Variants in HLA-DQB1 observed in about 807,000 individuals in gnomAD.
The protein encoded by HLA-DQB1 is major histocompatibility complex, class II, DQ beta 1, also known as HLA class II histocompatibility antigen, DQ beta 1 chain.
Under a neutral mutation model 26.4 loss-of-function variants are expected in HLA-DQB1, and 13 were observed. That is an observed-to-expected ratio of 0.49 (90% confidence interval 0.32 to 0.78). The LOEUF is 0.78. Ranked by LOEUF, HLA-DQB1 falls within the 30% of genes least tolerant of loss-of-function variation. The pLI is 0.03. For synonymous variants in HLA-DQB1, 60 were observed against 129.1 expected (o/e 0.46, Z 3.63); for missense variants, 158 against 326.2 (o/e 0.48, Z 3.97).
At chr6:32,663,222 A>G (rs71542448) in intron 2 of HLA-DQB1, 1 of 149,560 alleles carries the variant, frequency 6.7e-6, no homozygotes, top group Non-Finnish European at 1.5e-5. Context: ...GAGGGCACAA[A>G]TTTATGAGAA....
In HLA-DQB1 at chr6:32,664,993, A is replaced by T. The variant is rs281862065; in HGVS notation, c.184T>A (p.Tyr62Asn). ...GCGTACTCCTCTCGGTTATAGATGTATCTGGTCACAAGACGCACGCGCTCC... is the reference window on the plus strand; with the variant it reads ...GCGTACTCCTCTCGGTTATAGATGTTTCTGGTCACAAGACGCACGCGCTCC... Residue 62 changes from tyrosine (Y) to asparagine (N), a missense_variant, in exon 2 of 5, where the codon TAC (tyrosine) becomes AAC (asparagine). Transcript: ENST00000434651. 2.9e-3 allele frequency: 3,703 copies of T among 1,272,662 alleles called. 675 individuals carry two copies. Among genetic ancestry groups the T allele is most frequent in the South Asian group, 6.5e-3 (494 of 75,884 alleles). The allele number at this position is 1,272,662 out of a possible 1,614,324, so 78.8% of individuals were successfully genotyped here.
chr6:32,666,362 C>T (rs28746844), intron 1 of HLA-DQB1, 137 bp downstream of exon 1: 65,536 of 414,176 alleles, frequency 0.16, 7,558 homozygotes, highest in East Asian at 0.33. Context: ...TGCAACATAG[C>T]TTTCTTTCCC....
Position 32,660,354 on chromosome 6 carries a change from G to C in HLA-DQB1, c.773-105C>G. ...TGCAGCTTCAGACAGAGAAAGTTGA[G>C]GTCCAGGGTGTATTGTCATCACCTC... On this transcript the variant is annotated intron_variant, in intron 4 of 4. Coordinates refer to ENST00000434651, the Ensembl canonical transcript of HLA-DQB1. 2 of 564,684 alleles carry C rather than the reference G, an allele frequency of 3.5e-6. 1 individual carries two copies. Among genetic ancestry groups the C allele is most frequent in the Non-Finnish European group, 6.0e-6 (2 of 331,376 alleles). The allele number at this position is 564,684 out of a possible 1,614,324, so 35.0% of individuals were successfully genotyped here.
At chr6:32,666,568 G>T (rs1463099736) in exon 1 of HLA-DQB1, 1 of 1,196,446 alleles carries the variant, frequency 8.4e-7, no homozygotes, top group Non-Finnish European at 1.2e-6. Context: ...GTTGCTACCC[G>T]AAGGTCTCCG....
At chr6:32,661,915 G>T (rs41270915) in intron 3 of HLA-DQB1, 52 bp downstream of exon 3, 165,690 of 1,125,394 alleles carry the variant, frequency 0.15, 14,413 homozygotes, top group Admixed American at 0.23. Flanking sequence ...TGGGTCAGAA[G>T]GAGCTCTTTG....
intron 2 of HLA-DQB1, 75 bp downstream of exon 2, chr6:32,664,723 C>G: frequency 1.8e-6 from 1 of 566,060 alleles, no homozygotes. Context: ...AGACCTCGCC[C>G]CCATCGCCCC....
chr6:32,660,865 G>A, intron 4 of HLA-DQB1: 3 of 1,514,236 alleles, frequency 2.0e-6, no homozygotes, highest in Non-Finnish European at 2.7e-6. Context: ...TTACCTGCTG[G>A]TGGAGGCCCT....
Position 32,662,121 on chromosome 6 carries a change from C to T in HLA-DQB1, c.507G>A (p.Glu169=), listed in dbSNP as rs41543118. The T allele has an allele frequency of 1.8e-4, 261 of 1,476,632 alleles. 20 individuals carry two copies. Among genetic ancestry groups the T allele is most frequent in the Middle Eastern group, 1.1e-3 (6 of 5,610 alleles). 91.5% of individuals were successfully genotyped at this position (1,476,632 alleles called of 1,614,324 possible). A position where few individuals can be genotyped will look rare whatever the true frequency, so the allele number is the denominator to read the frequency against. The stretch of plus-strand genomic sequence containing the variant: ...GGGTGGACACAACGCCGGCTGTCTC[C>T]TCCTGATCATTCCGAAACCACCGGA... The change falls in exon 3 of 5, where the codon GAG becomes GAA. Residue 169 remains glutamate (E), a synonymous_variant. Coordinates refer to ENST00000434651, the Ensembl canonical transcript of HLA-DQB1.
intron 4 of HLA-DQB1, among the ~76,000 whole-genome samples, chr6:32,661,140 C>T (rs9273553): frequency 0.11 from 11,094 of 105,248 alleles, 1,527 homozygotes; most frequent in East Asian, 0.36. Flanking sequence ...GGTAAGGATG[C>T]CCTGGAATAA....
At chr6:32,663,385 G>T (rs281863341) in intron 2 of HLA-DQB1, 1 of 69,388 alleles carries the variant, frequency 1.4e-5, no homozygotes, top group Non-Finnish European at 3.2e-5. Flanking sequence ...GGTCAGACTA[G>T]GGATTGATTA....
At chr6:32,661,896 G>C (rs9273882) in intron 3 of HLA-DQB1, 71 bp downstream of exon 3, 1 of 1,099,134 alleles carries the variant, frequency 9.1e-7, no homozygotes, top group Non-Finnish European at 1.3e-6. Flanking sequence ...GATAAGAGAT[G>C]GGAAGGAATG....
At chr6:32,666,409 G>A (rs281860926) in intron 1 of HLA-DQB1, 90 bp downstream of exon 1, 2 of 476,022 alleles carry the variant, frequency 4.2e-6, no homozygotes, top group East Asian at 4.2e-5. Context: ...TTGTGTCCAA[G>A]ATCATAGAGA....
At chr6:32,661,913 A>AAGG in intron 3 of HLA-DQB1, 54 bp downstream of exon 3, 12 of 1,120,592 alleles carry the variant, frequency 1.1e-5, no homozygotes, top group Non-Finnish European at 1.5e-5. Flanking sequence ...AATGGGTCAG[A>AAGG]AGGAGCTCTT....
chr6:32,662,317 A>G (rs9274062), intron 2 of HLA-DQB1, 69 bp from the exon 3 acceptor site: 36,312 of 605,408 alleles, frequency 0.06, 2,042 homozygotes, highest in East Asian at 0.19. Flanking sequence ...GTCTACCATG[A>G]GGAAGGATCC....
Position 32,665,056 on chromosome 6 carries a change from A to T in HLA-DQB1, c.121T>A (p.Phe41Ile), listed in dbSNP as rs12722107. 2.9e-6 allele frequency: 4 copies of T among 1,359,916 alleles called. No homozygotes were observed. The African/African-American group carries it at 4.8e-5, about 16-fold the overall frequency. The allele number at this position is 1,359,916 out of a possible 1,614,324, so 84.2% of individuals were successfully genotyped here. Residue 41 changes from phenylalanine (F) to isoleucine (I), a missense_variant, in exon 2 of 5, where the codon TTC becomes ATC. Coordinates refer to ENST00000434651, the Ensembl canonical transcript of HLA-DQB1. ...AAGTAGCACATGCCCTTAAACTGGA[A>T]CACGAAATCCTCTGCGGGGAATCAC...
At chr6:32,665,617 C>T (rs9274458) in intron 1 of HLA-DQB1, among the ~76,000 whole-genome samples, 46,686 of 123,440 alleles carry the variant, frequency 0.38, 12,672 homozygotes, top group Middle Eastern at 0.53. Flanking sequence ...AGGACCTACA[C>T]CTCTGAGTCC....
At chr6:32,663,415 G>GAAAGTATCCTTTTGTCC (rs9282143) in intron 2 of HLA-DQB1, 1 of 126,710 alleles carries the variant, frequency 7.9e-6, no homozygotes, top group Admixed American at 8.0e-5. Context: ...TTTCAATGCC[G>GAAAGTATCCTTTTGTCC]CATTAACACA....
At chr6:32,664,639 C>G (rs71542464) in intron 2 of HLA-DQB1, 159 bp downstream of exon 2, 1 of 268,986 alleles carries the variant, frequency 3.7e-6, no homozygotes, top group Non-Finnish European at 6.5e-6. Flanking sequence ...CCCGCCCCTC[C>G]GATGCACCTG....
intron 2 of HLA-DQB1, chr6:32,662,911 T>A (rs1783307255): frequency 7.0e-6 from 1 of 142,650 alleles, no homozygotes; most frequent in African/African-American, 2.6e-5. Flanking sequence ...TACTTTCTTG[T>A]TCTGAAATCA....
Sources: gnomAD v4.1 joint callset for allele counts (sites outside exome capture counted in the v4.1 genomes callset) on GRCh38, gnomAD v4.1.1 for gene constraint, MANE v1.5 for transcripts, NCBI Gene and HGNC (gene_info 2026-07-23, HGNC 2026-07-21) for gene names.